Variants in SH3GL2 observed in about 807,000 individuals in gnomAD.
SH3GL2 encodes the protein SH3 domain containing GRB2 like 2, endophilin A1.
SH3GL2 carries 24 observed loss-of-function variants against 46.0 expected under a neutral mutation model. The ratio of observed to expected loss-of-function variants is 0.52; its 90% CI spans 0.38 to 0.73. SH3GL2 has a LOEUF of 0.73. Ranked by LOEUF, SH3GL2 falls within the 30% of genes least tolerant of loss-of-function variation. The probability of loss-of-function intolerance (pLI) is 0.00; values close to 1 mark genes in which losing one functional copy is unlikely to be tolerated. For synonymous variants in SH3GL2, 196 were observed against 147.1 expected (o/e 1.33, Z -2.40); for missense variants, 413 against 424.2 (o/e 0.97, Z 0.23).
At chr9:17,635,971 A>G (rs1200364340) in intron 1 of SH3GL2, among the ~76,000 whole-genome samples, 1 of 152,192 alleles carries the variant, frequency 6.6e-6, no homozygotes, top group Non-Finnish European at 1.5e-5. Flanking sequence ...TCCAAACTGT[A>G]TGTGGGCCCA....
chr9:17,736,237 G>A (rs769365347), intron 1 of SH3GL2, among the ~76,000 whole-genome samples: 1 of 152,058 alleles, frequency 6.6e-6, no homozygotes, highest in Non-Finnish European at 1.5e-5. Flanking sequence ...GTCACTGGAA[G>A]GCTTTTTAAA....
At chr9:17,613,601 A>G (rs1818917123) in intron 1 of SH3GL2, among the ~76,000 whole-genome samples, 1 of 152,148 alleles carries the variant, frequency 6.6e-6, no homozygotes, top group Admixed American at 6.5e-5. Context: ...TAAAGCACAA[A>G]TGTGTTTTCC....
intron 1 of SH3GL2, among the ~76,000 whole-genome samples, chr9:17,670,924 G>T (rs568117665): frequency 7.9e-5 from 12 of 152,262 alleles, no homozygotes; most frequent in Admixed American, 3.3e-4. Context: ...ACTAAGTATG[G>T]GGTGGGGCCT....
At chr9:17,614,295 G>GAAAAAAAAAAAAAAAAAA (rs3084628) in intron 1 of SH3GL2, among the ~76,000 whole-genome samples, 1 of 70,298 alleles carries the variant, frequency 1.4e-5, no homozygotes, top group African/African-American at 5.8e-5. Context: ...CATGGTTTCT[G>GAAAAAAAAAAAAAAAAAA]AAAAAAAAAA....
chr9:17,779,859 C>T (rs1323334638), intron 3 of SH3GL2, among the ~76,000 whole-genome samples: 1 of 152,144 alleles, frequency 6.6e-6, no homozygotes, highest in Admixed American at 6.6e-5. Context: ...CTTTGTGTTT[C>T]TGCAGTTGAA....
intron 1 of SH3GL2, among the ~76,000 whole-genome samples, chr9:17,711,306 G>C (rs1180218573): frequency 6.6e-6 from 1 of 151,730 alleles, no homozygotes; most frequent in Non-Finnish European, 1.5e-5. Flanking sequence ...ATTTTTAATA[G>C]CTTTATTGTG....
At chr9:17,762,433 G>C (rs1267647222) in intron 3 of SH3GL2, among the ~76,000 whole-genome samples, 2 of 151,376 alleles carry the variant, frequency 1.3e-5, no homozygotes, top group Admixed American at 1.3e-4. Context: ...GGTGTGGGCT[G>C]AGAGGAAGCA....
intron 3 of SH3GL2, among the ~76,000 whole-genome samples, chr9:17,774,689 C>G (rs1823590376): frequency 6.6e-6 from 1 of 151,960 alleles, no homozygotes; most frequent in Non-Finnish European, 1.5e-5. Flanking sequence ...GTTGAATTTG[C>G]TTTGCTAGCA....
intron 1 of SH3GL2, among the ~76,000 whole-genome samples, chr9:17,668,185 C>G (rs1820390607): frequency 1.3e-5 from 2 of 152,256 alleles, no homozygotes; most frequent in Middle Eastern, 3.4e-3. Context: ...ATCTGAGAAG[C>G]CACTGCTTAA....
chr9:17,586,762 G>T (rs778935546), intron 1 of SH3GL2, among the ~76,000 whole-genome samples: 3 of 152,194 alleles, frequency 2.0e-5, no homozygotes, highest in Non-Finnish European at 4.4e-5. Context: ...CCACCCCTAT[G>T]ATTCAATTAC....
At chr9:17,644,849 C>T (rs1215298874) in intron 1 of SH3GL2, among the ~76,000 whole-genome samples, 1 of 151,984 alleles carries the variant, frequency 6.6e-6, no homozygotes, top group Non-Finnish European at 1.5e-5. Context: ...CTGCTTGGTC[C>T]AGAGCTGAGT....
At chr9:17,629,171 T>C (rs117939500) in intron 1 of SH3GL2, among the ~76,000 whole-genome samples, 4,069 of 152,300 alleles carry the variant, frequency 0.027, 84 homozygotes, top group Middle Eastern at 0.048. Flanking sequence ...TTCCATGAAG[T>C]GTGTGATCTG....
chr9:17,665,821 T>C (rs1338526394), intron 1 of SH3GL2, among the ~76,000 whole-genome samples: 2 of 150,728 alleles, frequency 1.3e-5, no homozygotes, highest in Middle Eastern at 3.4e-3. Context: ...TTCTTGGAGA[T>C]CAAAGTGAGG....
chr9:17,722,630 A>AATCGTGCTGCACCTATTAAC (rs1203545604), intron 1 of SH3GL2, among the ~76,000 whole-genome samples: 1 of 152,056 alleles, frequency 6.6e-6, no homozygotes, highest in Non-Finnish European at 1.5e-5. Context: ...CACCTATTAA[A>AATCGTGCTGCACCTATTAAC]ATCATGCTGC....
chr9:17,620,990 T>C (rs1819125709), intron 1 of SH3GL2, among the ~76,000 whole-genome samples: 1 of 152,194 alleles, frequency 6.6e-6, no homozygotes, highest in African/African-American at 2.4e-5. Flanking sequence ...ATACTTATAA[T>C]GTGTAGTTCA....
chr9:17,760,761 G>A (rs1325278513), intron 2 of SH3GL2, among the ~76,000 whole-genome samples: 1 of 152,142 alleles, frequency 6.6e-6, no homozygotes, highest in Non-Finnish European at 1.5e-5. Flanking sequence ...AGGATTTCTT[G>A]GAGAAAGACA....
intron 3 of SH3GL2, among the ~76,000 whole-genome samples, chr9:17,768,168 G>C (rs1330115115): frequency 6.6e-6 from 1 of 151,980 alleles, no homozygotes; most frequent in African/African-American, 2.4e-5. Flanking sequence ...TCAGGGGATA[G>C]AGACCATCCT....
At chr9:17,679,519 A>G (rs1427231697) in intron 1 of SH3GL2, among the ~76,000 whole-genome samples, 1 of 152,154 alleles carries the variant, frequency 6.6e-6, no homozygotes, top group Non-Finnish European at 1.5e-5. Context: ...CAGCTTAAGG[A>G]GATTTTGGGC....
chr9:17,687,727 C>G (rs745633108), intron 1 of SH3GL2, among the ~76,000 whole-genome samples: 1 of 151,618 alleles, frequency 6.6e-6, no homozygotes, highest in African/African-American at 2.4e-5. Flanking sequence ...CTTTGCCCCC[C>G]GAAAACATTA....
Sources: gnomAD v4.1 joint callset for allele counts (sites outside exome capture counted in the v4.1 genomes callset) on GRCh38, gnomAD v4.1.1 for gene constraint, MANE v1.5 for transcripts, NCBI Gene and HGNC (gene_info 2026-07-23, HGNC 2026-07-21) for gene names.